CHD9: variants seen among roughly 807,000 people sequenced by gnomAD.
CHD9 encodes ATP-dependent chromatin remodeler CHD9.
In CHD9, 77 loss-of-function variants were observed where a neutral mutation model predicts 316.1. That is an observed-to-expected ratio of 0.24 (90% CI 0.20 to 0.29). CHD9 has a LOEUF of 0.29. Ranked by LOEUF, CHD9 falls within the 10% of genes least tolerant of loss-of-function variation. The pLI is 1.00. For missense variants in CHD9, 2,763 were observed against 3,438.1 expected, an observed-to-expected ratio of 0.80 and a Z score of 4.91; for synonymous variants, 1,129 against 1,158.3, an observed-to-expected ratio of 0.97 and a Z score of 0.51.
At chr16:53,294,557 A>G (rs1347120408) in intron 29 of CHD9, among the ~76,000 whole-genome samples, 7 of 152,166 alleles carry the variant, frequency 4.6e-5, no homozygotes, top group Admixed American at 6.5e-5. Flanking sequence ...CAGTTGCCTC[A>G]TTCATACGGC....
At chr16:53,128,826 C>T (rs1438422409) in intron 1 of CHD9, among the ~76,000 whole-genome samples, 2 of 152,136 alleles carry the variant, frequency 1.3e-5, no homozygotes, top group Non-Finnish European at 2.9e-5. Flanking sequence ...GTACTTAACA[C>T]AGGAGAACCC....
chr16:53,167,157 T>C (rs2042324060), intron 2 of CHD9, among the ~76,000 whole-genome samples: 1 of 152,204 alleles, frequency 6.6e-6, no homozygotes, highest in Non-Finnish European at 1.5e-5. Flanking sequence ...CTTTGATTAT[T>C]GAGAAATACT....
At chr16:53,169,580 G>A (rs2042530684) in intron 2 of CHD9, 1 of 152,006 alleles carries the variant, frequency 6.6e-6, no homozygotes, top group Non-Finnish European at 1.5e-5. Context: ...TTCACTAATT[G>A]TTAATTATTT....
intron 1 of CHD9, among the ~76,000 whole-genome samples, chr16:53,103,933 C>G (rs988654120): frequency 6.6e-6 from 1 of 152,200 alleles, no homozygotes; most frequent in Admixed American, 6.5e-5. Context: ...ACCTTCAGGA[C>G]TGGAACACAA....
chr16:53,219,291 T>C (rs1314905630), intron 3 of CHD9, among the ~76,000 whole-genome samples: 1 of 152,150 alleles, frequency 6.6e-6, no homozygotes, highest in African/African-American at 2.4e-5. Context: ...CAATTAGTTA[T>C]ATGAACATGA....
intron 30 of CHD9, chr16:53,299,577 C>A: frequency 2.5e-6 from 1 of 400,696 alleles, no homozygotes; most frequent in African/African-American, 2.1e-5. Context: ...GCTATTAACC[C>A]TCCAAAAGCT....
At chr16:53,135,518 T>A (rs1019800376) in intron 1 of CHD9, among the ~76,000 whole-genome samples, 1 of 152,122 alleles carries the variant, frequency 6.6e-6, no homozygotes, top group African/African-American at 2.4e-5. Flanking sequence ...TCATGATGGA[T>A]TGGATGTGAG....
intron 2 of CHD9, among the ~76,000 whole-genome samples, chr16:53,165,770 C>A (rs2042232156): frequency 6.6e-6 from 1 of 151,950 alleles, no homozygotes; most frequent in Non-Finnish European, 1.5e-5. Flanking sequence ...TTAGTTATAG[C>A]ATACTATTTT....
At chr16:53,155,126 A>G (rs577017584) in intron 1 of CHD9, among the ~76,000 whole-genome samples, 2 of 152,372 alleles carry the variant, frequency 1.3e-5, no homozygotes, top group South Asian at 4.1e-4. Flanking sequence ...AACTTAAATC[A>G]TCCAAAGTAA....
At chr16:53,101,497 T>C (rs1291510729) in intron 1 of CHD9, among the ~76,000 whole-genome samples, 2 of 152,106 alleles carry the variant, frequency 1.3e-5, no homozygotes, top group East Asian at 3.9e-4. Flanking sequence ...CCGACAATTT[T>C]TTAATCAGGA....
intron 1 of CHD9, among the ~76,000 whole-genome samples, chr16:53,128,541 G>A (rs145213453): frequency 1.8e-4 from 28 of 152,238 alleles, no homozygotes; most frequent in African/African-American, 5.3e-4. Context: ...TGTGGCCACC[G>A]CTTGGCTTTA....
intron 1 of CHD9, among the ~76,000 whole-genome samples, chr16:53,055,497 C>CCCA (rs1021664662): frequency 6.6e-6 from 1 of 151,718 alleles, no homozygotes; most frequent in East Asian, 1.9e-4. Flanking sequence ...CACCCCCGCC[C>CCCA]CCCCCCAGAG....
chr16:53,163,971 A>G (rs1292070152), intron 2 of CHD9, among the ~76,000 whole-genome samples: 2 of 152,184 alleles, frequency 1.3e-5, no homozygotes, highest in Non-Finnish European at 2.9e-5. Flanking sequence ...GGAAACTGAG[A>G]TACAGAGAAG....
At chr16:53,222,023 C>CT (rs201154915) in intron 3 of CHD9, among the ~76,000 whole-genome samples, 30 of 145,392 alleles carry the variant, frequency 2.1e-4, no homozygotes, top group South Asian at 6.5e-4. Flanking sequence ...ACTTGATTGC[C>CT]TTTTTTTTTT....
intron 24 of CHD9, among the ~76,000 whole-genome samples, chr16:53,283,810 T>C (rs767330199): frequency 6.6e-6 from 1 of 152,194 alleles, no homozygotes; most frequent in African/African-American, 2.4e-5. Context: ...AAATTAGATA[T>C]AATAAGGTGT....
intron 2 of CHD9, among the ~76,000 whole-genome samples, chr16:53,177,195 A>G (rs2043152839): frequency 6.6e-6 from 1 of 152,150 alleles, no homozygotes; most frequent in African/African-American, 2.4e-5. Context: ...ACCTCAAGTG[A>G]TCTGCCTGCT....
At chr16:53,162,249 TA>T (rs2152758490) in intron 2 of CHD9, among the ~76,000 whole-genome samples, 1 of 152,076 alleles carries the variant, frequency 6.6e-6, no homozygotes, top group South Asian at 2.1e-4. Context: ...TGAAGAATAG[TA>T]GGGTTGTTGG....
chr16:53,154,189 T>C (rs116004894), intron 1 of CHD9, among the ~76,000 whole-genome samples: 151 of 152,314 alleles, frequency 9.9e-4, no homozygotes, highest in African/African-American at 3.6e-3. Context: ...AATTTTTTGA[T>C]AAAAAGTAAG....
chr16:53,140,176 G>T (rs908885441), intron 1 of CHD9, among the ~76,000 whole-genome samples: 1 of 151,140 alleles, frequency 6.6e-6, no homozygotes, highest in Non-Finnish European at 1.5e-5. Context: ...AAATATTTAG[G>T]CCGGGAGTGG....
Sources: allele counts gnomAD v4.1 joint callset (sites outside exome capture counted in the v4.1 genomes callset), GRCh38; gene constraint gnomAD v4.1.1; transcripts MANE v1.5; gene names NCBI Gene and HGNC (gene_info 2026-07-23, HGNC 2026-07-21).